KIF26B: variants seen among roughly 807,000 people sequenced by gnomAD.
The protein encoded by KIF26B is kinesin-like protein KIF26B.
KIF26B carries 63 observed loss-of-function variants against 151.2 expected under a neutral mutation model. The ratio of observed to expected loss-of-function variants is 0.42; its 90% CI spans 0.34 to 0.51. The LOEUF (loss-of-function observed/expected upper bound fraction) is 0.51. Among genes scored for constraint, KIF26B ranks in the 20% least tolerant of loss-of-function variants. The probability of loss-of-function intolerance (pLI) is 0.07; values close to 1 mark genes in which losing one functional copy is unlikely to be tolerated. For missense variants in KIF26B, 2,813 were observed against 2,913.6 expected (o/e 0.97, Z 0.79); for synonymous variants, 1,357 against 1,262.1 (o/e 1.08, Z -1.59).
intron 5 of KIF26B, among the ~76,000 whole-genome samples, chr1:245,546,662 T>C (rs945842781): frequency 6.6e-6 from 1 of 152,248 alleles, no homozygotes; most frequent in Non-Finnish European, 1.5e-5. Context: ...TGGATCCCGC[T>C]AGATCCCACT....
chr1:245,191,559 A>G (rs904562659), intron 2 of KIF26B, among the ~76,000 whole-genome samples: 1 of 152,222 alleles, frequency 6.6e-6, no homozygotes, highest in Non-Finnish European at 1.5e-5. Flanking sequence ...TAAGCTTGAT[A>G]GAATAGAAGG....
rs1438653293 is a variant in KIF26B, at chr1:245,609,382, C to T, written c.1768C>T (p.Arg590Cys). 3 of 1,609,698 alleles carry T rather than the reference C, an allele frequency of 1.9e-6. No individual in the cohort carries two copies. The highest frequency in any genetic ancestry group is 1.7e-6 in the Non-Finnish European group (2 of 1,178,124). ...INERKEKTGA[R>C]FSVRVSAVEV... ...CGAACGCAAGGAAAAGACCGGCGCC[C>T]GTTTCTCAGTCCGGGTTTCCGCCGT... is the stretch of plus-strand genomic sequence containing the variant. Residue 590 changes from arginine (R) to cysteine (C), a missense_variant, in exon 8 of 15, where the codon CGT becomes TGT. Arg to Cys is a radical substitution (Grantham distance 180). This residue lies in a region of KIF26B where 77 missense variants were observed against 136.9 expected (regional missense o/e 0.56). Transcript: ENST00000407071.
In KIF26B at chr1:245,607,253, T is replaced by C. The variant is rs539712170; in HGVS notation, c.1558-398T>C. 3.9e-5 allele frequency among the ~76,000 whole-genome samples: 6 copies of C among 152,174 alleles called. No individual in the cohort carries two copies. In the South Asian group the frequency reaches 1.2e-3, roughly 32 times the overall value. On this transcript the variant is annotated intron_variant, in intron 6 of 14. Coordinates refer to ENST00000407071, the MANE Select transcript of KIF26B (RefSeq NM_018012.4). ...CATAAGCCTGGCCTGTTTAATAAAC[T>C]CTATGTATACGTGTGTCAGCAGAGG...
At chr1:245,351,309 C>T (rs1211673120) in intron 2 of KIF26B, among the ~76,000 whole-genome samples, 1 of 152,138 alleles carries the variant, frequency 6.6e-6, no homozygotes, top group Non-Finnish European at 1.5e-5. Flanking sequence ...CCTTGAGCTC[C>T]CTAGTTGCAA....
At chr1:245,637,365 G>A (rs2043844412) in intron 9 of KIF26B, among the ~76,000 whole-genome samples, 1 of 151,666 alleles carries the variant, frequency 6.6e-6, no homozygotes, top group Admixed American at 6.6e-5. Flanking sequence ...GGATTATCTG[G>A]GGGGTTTTGG....
At chr1:245,528,079 C>T (rs890095331) in intron 4 of KIF26B, among the ~76,000 whole-genome samples, 3 of 151,868 alleles carry the variant, frequency 2.0e-5, no homozygotes, top group South Asian at 4.2e-4. Flanking sequence ...GGTCAGCTGG[C>T]ACAGGGAAAA....
rs1171862804 is a variant in KIF26B, at chr1:245,688,399, G to A, written c.5416G>A (p.Gly1806Arg). Reference sequence around the variant, plus strand: ...CAAGCTTCCCCTGCGGGCCGTCAGCGGGCGCATCTCGGAGCTGCTGCAGGG... The same window carrying A: ...CAAGCTTCCCCTGCGGGCCGTCAGCAGGCGCATCTCGGAGCTGCTGCAGGG... ...ASKLPLRAVS[G>R]RISELLQGGA... Residue 1806 changes from glycine (G) to arginine (R), a missense_variant, in exon 12 of 15, where the codon GGG (glycine) becomes AGG (arginine). By Grantham distance (125) the Gly-to-Arg change is moderately radical. Coordinates refer to ENST00000407071, the MANE Select transcript of KIF26B (RefSeq NM_018012.4). 1 of 1,513,612 alleles carries A rather than the reference G, an allele frequency of 6.6e-7. No individual in the cohort carries two copies. Among genetic ancestry groups the A allele is most frequent in the Admixed American group, 2.1e-5 (1 of 48,760 alleles). 93.8% of individuals were successfully genotyped at this position (1,513,612 alleles called of 1,614,324 possible).
At chr1:245,646,688 C>T (rs944207192) in intron 10 of KIF26B, among the ~76,000 whole-genome samples, 1 of 152,076 alleles carries the variant, frequency 6.6e-6, no homozygotes, top group African/African-American at 2.4e-5. Context: ...GATATCCAGG[C>T]AAATTCAAAT....
chr1:245,305,712 G>A lies in KIF26B; in HGVS notation c.466-61122G>A, dbSNP rs1671522641. Among the ~76,000 whole-genome samples, 7 of 152,252 alleles carry A rather than the reference G, an allele frequency of 4.6e-5. No homozygotes were observed. In the South Asian group the frequency reaches 1.5e-3, roughly 32 times the overall value. On this transcript the variant is annotated intron_variant, in intron 2 of 14. Transcript: ENST00000407071. ...CCAGCACTTTGGGAGGCCGAGGCAGGTGGATCACGAGGTCAGGAGATCGAG... is the reference window on the plus strand; with the variant it reads ...CCAGCACTTTGGGAGGCCGAGGCAGATGGATCACGAGGTCAGGAGATCGAG...
chr1:245,478,461 T>C (rs575318039), intron 4 of KIF26B, among the ~76,000 whole-genome samples: 1 of 146,000 alleles, frequency 6.8e-6, no homozygotes, highest in Admixed American at 7.0e-5. Context: ...GGAGTCTTGC[T>C]CTGTCGCCCA....
rs1383175336 is a variant in KIF26B at position 245,540,399 on chromosome 1, C to T, written c.1167-368C>T. 1.3e-5 allele frequency among the ~76,000 whole-genome samples: 2 copies of T among 152,330 alleles called. No individual in the cohort carries two copies. Among genetic ancestry groups the T allele is most frequent in the East Asian group, 3.9e-4 (2 of 5,190 alleles). On this transcript the variant is annotated intron_variant, in intron 4 of 14. Transcript: ENST00000407071. This position sits in a 1 kb window ranked among gnomAD's most constrained non-coding sequence, Gnocchi z 4.6. ...TTAAATTAGCTCATGAGGTCTCTCG[C>T]ACCTGAGTTTATGCCAGAGAAGTTG...
intron 3 of KIF26B, among the ~76,000 whole-genome samples, chr1:245,385,902 G>A (rs916696083): frequency 6.6e-6 from 1 of 152,154 alleles, no homozygotes; most frequent in Admixed American, 6.5e-5. Context: ...TTGGAGATTG[G>A]TTGGATGTGG....
intron 3 of KIF26B, among the ~76,000 whole-genome samples, chr1:245,394,242 T>C (rs958729582): frequency 1.3e-5 from 2 of 152,218 alleles, no homozygotes; most frequent in Admixed American, 6.5e-5. Flanking sequence ...AAATTCTTTA[T>C]TGTCATTTTA....
chr1:245,393,048 G>A (rs1673739166), intron 3 of KIF26B, among the ~76,000 whole-genome samples: 1 of 152,076 alleles, frequency 6.6e-6, no homozygotes, highest in Non-Finnish European at 1.5e-5. Context: ...GCAGATGCCT[G>A]TAATCCTAGC....
chr1:245,496,729 C>T (rs1660520174), intron 4 of KIF26B, among the ~76,000 whole-genome samples: 1 of 152,046 alleles, frequency 6.6e-6, no homozygotes, highest in South Asian at 2.1e-4. Flanking sequence ...TGACTAAATA[C>T]TCTAATTAAA....
intron 12 of KIF26B, among the ~76,000 whole-genome samples, chr1:245,696,279 G>T (rs950612453): frequency 6.6e-6 from 1 of 152,236 alleles, no homozygotes; most frequent in South Asian, 2.1e-4. Flanking sequence ...CAGCTGCCAT[G>T]TCATAAATAG....
rs2044721739 is a variant in KIF26B at position 245,698,335 on chromosome 1, G to GAGCTT, written c.6027+27_6027+28insAGCTT. ...TGAGGCAGCCTCCTTCCCACCCCCT[G>GAGCTT]CCTACGTGGTGGCAGCTCCCCACCA... is the stretch of plus-strand genomic sequence containing the variant. On this transcript the variant is annotated intron_variant, in intron 13 of 14. Transcript: ENST00000407071. The surrounding 1 kb of genome is among the most constrained non-coding windows in gnomAD (Gnocchi z 4.0). 4 of 1,598,266 alleles carry GAGCTT rather than the reference G, an allele frequency of 2.5e-6. No individual in the cohort carries two copies. Among genetic ancestry groups the GAGCTT allele is most frequent in the Non-Finnish European group, 3.4e-6 (4 of 1,171,308 alleles).
chr1:245,533,191 C>T lies in KIF26B; in HGVS notation c.1167-7576C>T, dbSNP rs187206478. ...ACATTGAAATAGTTCTATAATGGCA[C>T]GTGAGCCATGGCAGCCCACAGCAGC... On this transcript the variant is annotated intron_variant, in intron 4 of 14. Coordinates refer to ENST00000407071, the MANE Select transcript of KIF26B (RefSeq NM_018012.4). Among the ~76,000 whole-genome samples the T allele has an allele frequency of 3.9e-4, 60 of 152,236 alleles. No homozygotes were observed. In the East Asian group the frequency reaches 0.011, roughly 28 times the overall value.
rs1329349876 is a variant in KIF26B, at chr1:245,512,707, G to C, written c.1167-28060G>C. 6.6e-6 allele frequency among the ~76,000 whole-genome samples: 1 copy of C among 152,102 alleles called. No individual in the cohort carries two copies. The highest frequency in any genetic ancestry group is 1.5e-5 in the Non-Finnish European group (1 of 68,026). On this transcript the variant is annotated intron_variant, in intron 4 of 14. Transcript: ENST00000407071. The surrounding 1 kb of genome is among the most constrained non-coding windows in gnomAD (Gnocchi z 4.3). The stretch of plus-strand genomic sequence containing the variant: ...AATCTGAGACAGAAAACACATGTTG[G>C]CAGCATCATGTGAGCGCCTCTCTGC...
Sources: allele counts gnomAD v4.1 joint callset (sites outside exome capture counted in the v4.1 genomes callset), GRCh38; gene constraint gnomAD v4.1.1; regional missense constraint gnomAD v4.1.1; non-coding constraint Gnocchi (gnomAD v3.1); transcripts MANE v1.5; gene names NCBI Gene and HGNC (gene_info 2026-07-23, HGNC 2026-07-21).